The following SP100 variants were observed in gnomAD, a reference collection of about 807,000 sequenced individuals.
SP100 encodes the protein nuclear autoantigen Sp-100.
In SP100, 84 loss-of-function variants were observed where a neutral mutation model predicts 130.0. The ratio of observed to expected loss-of-function variants is 0.65; its 90% CI spans 0.54 to 0.77. The LOEUF (loss-of-function observed/expected upper bound fraction) is 0.77. Ranked by LOEUF, SP100 falls within the 30% of genes least tolerant of loss-of-function variation. The pLI is 0.00. For missense variants in SP100, 978 were observed against 1,052.2 expected, an observed-to-expected ratio of 0.93 and a Z score of 0.97; for synonymous variants, 331 against 351.7, an observed-to-expected ratio of 0.94 and a Z score of 0.66.
At chr2:230,525,565 C>T (rs1422274942) in intron 24 of SP100, among the ~76,000 whole-genome samples, 2 of 152,090 alleles carry the variant, frequency 1.3e-5, no homozygotes, top group Non-Finnish European at 2.9e-5. Flanking sequence ...ACTGGTTGGA[C>T]TCTGGCTGCA....
intron 2 of SP100, among the ~76,000 whole-genome samples, chr2:230,429,552 TTC>T (rs1319393545): frequency 6.6e-6 from 1 of 152,200 alleles, no homozygotes; most frequent in Non-Finnish European, 1.5e-5. Context: ...TCTGTTCATT[TTC>T]TCTCTCTTTT....
chr2:230,491,069 T>G (rs2066366778), intron 17 of SP100, among the ~76,000 whole-genome samples: 1 of 152,232 alleles, frequency 6.6e-6, no homozygotes, highest in Admixed American at 6.5e-5. Context: ...GAAGTATGTT[T>G]TCCATCTTGT....
chr2:230,490,703 C>G (rs1339124189), intron 17 of SP100, among the ~76,000 whole-genome samples: 1 of 152,142 alleles, frequency 6.6e-6, no homozygotes, highest in African/African-American at 2.4e-5. Context: ...AATCCCTCAG[C>G]ATTTGCTTGT....
At chr2:230,479,389 T>A (rs1458315211) in intron 17 of SP100, among the ~76,000 whole-genome samples, 1 of 152,226 alleles carries the variant, frequency 6.6e-6, no homozygotes, top group African/African-American at 2.4e-5. Flanking sequence ...GCATTTTATT[T>A]TCTTTTATCT....
At chr2:230,428,123 C>T (rs995680852) in intron 2 of SP100, among the ~76,000 whole-genome samples, 13 of 151,930 alleles carry the variant, frequency 8.6e-5, no homozygotes, top group East Asian at 3.9e-4. Context: ...CCCAGCTACT[C>T]GGGAGGCTGA....
intron 24 of SP100, among the ~76,000 whole-genome samples, chr2:230,532,728 A>G (rs1691757442): frequency 6.6e-6 from 1 of 152,182 alleles, no homozygotes; most frequent in South Asian, 2.1e-4. Flanking sequence ...AGTTGTCAGT[A>G]CTATATTACC....
intron 17 of SP100, among the ~76,000 whole-genome samples, chr2:230,475,747 C>A (rs2065509472): frequency 6.6e-6 from 1 of 151,888 alleles, no homozygotes; most frequent in Non-Finnish European, 1.5e-5. Context: ...TTTCGTTTTT[C>A]TTCGTATGTC....
At chr2:230,470,517 C>G in intron 15 of SP100, 1 of 600,150 alleles carries the variant, frequency 1.7e-6, no homozygotes, top group Non-Finnish European at 2.1e-6. Context: ...AACTTCAGAT[C>G]AAACACTCTC....
At chr2:230,525,280 C>A (rs529274340) in intron 24 of SP100, among the ~76,000 whole-genome samples, 1 of 151,934 alleles carries the variant, frequency 6.6e-6, no homozygotes, top group Non-Finnish European at 1.5e-5. Context: ...TCTTCATGAG[C>A]GTACAGAAAA....
intron 8 of SP100, among the ~76,000 whole-genome samples, chr2:230,455,189 G>T (rs1410251144): frequency 2.0e-5 from 3 of 152,122 alleles, no homozygotes; most frequent in Non-Finnish European, 4.4e-5. Context: ...ATCCCCCCAA[G>T]TAGCTGAGAT....
chr2:230,498,419 G>GT (rs751854405), intron 18 of SP100, 42 bp from the exon 19 acceptor site: 3 of 1,293,416 alleles, frequency 2.3e-6, no homozygotes, highest in Admixed American at 5.5e-5. Context: ...TATAATGTGA[G>GT]TTTTTTACAC....
intron 17 of SP100, among the ~76,000 whole-genome samples, chr2:230,481,712 T>A (rs1410486414): frequency 6.6e-6 from 1 of 152,186 alleles, no homozygotes; most frequent in East Asian, 1.9e-4. Flanking sequence ...AAGTCTAAAC[T>A]TCTTACTGTG....
At position 230,467,186 on chromosome 2, in the gene SP100, G is replaced by A. The variant is rs757986914; in HGVS notation, c.1262G>A (p.Gly421Glu). The change falls in exon 13 of 29, where the codon GGG becomes GAG. Residue 421 changes from glycine (G) to glutamate (E), a missense_variant. Coordinates refer to ENST00000340126, the MANE Select transcript of SP100 (RefSeq NM_001080391.2). ...EEEAPAEASS[G>E]ALRSKHGEKA... ...GAGGCGCCCGCAGAAGCCTCGAGCG[G>A]GGCACTGAGAAGCAAGCATGGTGAG... is the stretch of plus-strand genomic sequence containing the variant. 1 of 1,613,852 alleles carries A rather than the reference G, an allele frequency of 6.2e-7. No homozygotes were observed. The highest frequency in any genetic ancestry group is 1.7e-5 in the Admixed American group (1 of 60,010).
chr2:230,444,605 A>T (rs988152692), intron 4 of SP100, among the ~76,000 whole-genome samples: 1 of 152,204 alleles, frequency 6.6e-6, no homozygotes, highest in Non-Finnish European at 1.5e-5. Context: ...TTAGAAGAGT[A>T]TAGGATAAGA....
chr2:230,532,764 CTTTTA>C (rs1228130367), intron 24 of SP100, among the ~76,000 whole-genome samples: 1 of 152,028 alleles, frequency 6.6e-6, no homozygotes, highest in Non-Finnish European at 1.5e-5. Context: ...TGCTAGTGCT[CTTTTA>C]TTTTTATTTT....
At chr2:230,471,702 C>T (rs1175953735) in intron 15 of SP100, among the ~76,000 whole-genome samples, 6 of 151,804 alleles carry the variant, frequency 4.0e-5, no homozygotes, top group South Asian at 4.2e-4. Context: ...TTTGAGGGAG[C>T]GAAAAGAAAA....
At chr2:230,423,322 A>G (rs2062824725) in intron 2 of SP100, among the ~76,000 whole-genome samples, 1 of 152,124 alleles carries the variant, frequency 6.6e-6, no homozygotes. Flanking sequence ...TAAAGTTTTA[A>G]TCCTTTCCTT....
intron 2 of SP100, among the ~76,000 whole-genome samples, chr2:230,433,866 G>GAGTAAGT (rs982708193): frequency 6.8e-6 from 1 of 148,022 alleles, no homozygotes; most frequent in Non-Finnish European, 1.5e-5. Flanking sequence ...ATAGACTTTT[G>GAGTAAGT]AGTAAGTATA....
rs55888638 is a variant in SP100 at position 230,484,698 on chromosome 2, T to C, written c.1601-9718T>C. Among the ~76,000 whole-genome samples, 1,137 of 152,276 alleles carry C rather than the reference T, an allele frequency of 7.5e-3. 17 individuals are homozygous for C. The highest frequency in any genetic ancestry group is 0.026 in the African/African-American group (1,078 of 41,558). On this transcript the variant is annotated intron_variant, in intron 17 of 28. Transcript: ENST00000340126. ...CCCTTGCATTATATCTTTTAACTGG[T>C]TTTTACTCCCATATAGGAAAGCTAC...
Sources: allele counts gnomAD v4.1 joint callset (sites outside exome capture counted in the v4.1 genomes callset), GRCh38; gene constraint gnomAD v4.1.1; transcripts MANE v1.5; gene names NCBI Gene and HGNC (gene_info 2026-07-23, HGNC 2026-07-21).